Variants in PCDH9 observed in about 807,000 individuals in gnomAD.
PCDH9 encodes the protein protocadherin 9, also known as protocadherin-9.
In PCDH9, 24 loss-of-function variants were observed where a neutral mutation model predicts 70.6. The observed-to-expected ratio is 0.34, with a 90% confidence interval of 0.25 to 0.48. The LOEUF is 0.48. PCDH9 is among the 20% of genes least tolerant of loss of function. The pLI, the probability that PCDH9 is intolerant of heterozygous loss-of-function variation, is 0.99. For missense variants in PCDH9, 1,281 were observed against 1,503.6 expected, an observed-to-expected ratio of 0.85 and a Z score of 2.45; for synonymous variants, 562 against 558.5, an observed-to-expected ratio of 1.01 and a Z score of -0.09.
At chr13:66,994,136 G>A (rs994961330) in intron 2 of PCDH9, among the ~76,000 whole-genome samples, 3 of 152,156 alleles carry the variant, frequency 2.0e-5, no homozygotes, top group African/African-American at 7.2e-5. Flanking sequence ...TAAAAGTCTG[G>A]CACAGAGCCC....
chr13:66,787,543 A>T (rs1655799515), intron 3 of PCDH9, among the ~76,000 whole-genome samples: 1 of 151,854 alleles, frequency 6.6e-6, no homozygotes, highest in South Asian at 2.1e-4. Flanking sequence ...TTAAACCCAG[A>T]GGACGGAGGC....
chr13:66,316,871 CACA>C (rs1382810037), intron 4 of PCDH9, among the ~76,000 whole-genome samples: 1 of 152,022 alleles, frequency 6.6e-6, no homozygotes, highest in East Asian at 1.9e-4. Context: ...CACAGGCACG[CACA>C]ACAACGCCTG....
chr13:66,579,589 C>T (rs571831728), intron 4 of PCDH9, among the ~76,000 whole-genome samples: 14 of 152,084 alleles, frequency 9.2e-5, no homozygotes, highest in African/African-American at 3.4e-4. Flanking sequence ...AAGAAAACTA[C>T]CAATAGCAAT....
rs34007733 is a variant in PCDH9, at chr13:67,006,204, G to A, written c.3037-102599C>T. 8.1e-3 allele frequency among the ~76,000 whole-genome samples: 1,230 copies of A among 152,212 alleles called. 10 individuals carry two copies. The highest frequency in any genetic ancestry group is 0.014 in the Middle Eastern group (4 of 294). ...ATCGTGCCACTGCACTCCAGCCTGGGCGACAGAGAGAGACTCCGTCTCAAA... is the reference window on the plus strand; with the variant it reads ...ATCGTGCCACTGCACTCCAGCCTGGACGACAGAGAGAGACTCCGTCTCAAA... On this transcript the variant is annotated intron_variant, in intron 2 of 4. Coordinates refer to ENST00000377865, the MANE Select transcript of PCDH9 (RefSeq NM_203487.3).
intron 4 of PCDH9, among the ~76,000 whole-genome samples, chr13:66,320,533 G>T (rs547825944): frequency 6.6e-6 from 1 of 151,888 alleles, no homozygotes; most frequent in Admixed American, 6.6e-5. Context: ...AATTGGCTTC[G>T]GTTCAAAATC....
At chr13:67,175,698 A>C (rs2088431471) in intron 2 of PCDH9, among the ~76,000 whole-genome samples, 2 of 152,176 alleles carry the variant, frequency 1.3e-5, no homozygotes, top group Admixed American at 6.5e-5. Context: ...AATGAAAACT[A>C]TATCATTGTT....
intron 4 of PCDH9, among the ~76,000 whole-genome samples, chr13:66,559,881 T>C (rs759973817): frequency 6.8e-6 from 1 of 148,148 alleles, no homozygotes; most frequent in Non-Finnish European, 1.5e-5. Context: ...GATTCAAATG[T>C]ACTAACGTGA....
intron 2 of PCDH9, among the ~76,000 whole-genome samples, chr13:67,030,125 G>A (rs1032269518): frequency 6.6e-6 from 1 of 151,952 alleles, no homozygotes; most frequent in African/African-American, 2.4e-5. Context: ...CTGTCACCCA[G>A]GCTGGAGTGC....
intron 4 of PCDH9, among the ~76,000 whole-genome samples, chr13:66,522,334 T>C (rs1216625506): frequency 6.6e-6 from 1 of 151,990 alleles, no homozygotes; most frequent in Non-Finnish European, 1.5e-5. Context: ...GGGAATCTGA[T>C]ATAAACGGAA....
intron 4 of PCDH9, among the ~76,000 whole-genome samples, chr13:66,355,626 T>G (rs1956370376): frequency 1.3e-5 from 2 of 152,150 alleles, no homozygotes; most frequent in Admixed American, 1.3e-4. Context: ...GCTATCGTAC[T>G]GTTGGCCATT....
intron 2 of PCDH9, among the ~76,000 whole-genome samples, chr13:67,185,030 G>A (rs915933869): frequency 2.6e-5 from 4 of 152,122 alleles, no homozygotes; most frequent in African/African-American, 9.7e-5. Flanking sequence ...TACCATTCAT[G>A]TAACTCCTAT....
At chr13:66,999,329 C>T (rs1283094965) in intron 2 of PCDH9, among the ~76,000 whole-genome samples, 1 of 151,750 alleles carries the variant, frequency 6.6e-6, no homozygotes, top group Non-Finnish European at 1.5e-5. Context: ...AAGGAAGATC[C>T]CTTAAAAAAA....
intron 4 of PCDH9, among the ~76,000 whole-genome samples, chr13:66,606,198 A>G (rs1267709372): frequency 6.6e-6 from 1 of 152,150 alleles, no homozygotes; most frequent in Non-Finnish European, 1.5e-5. Context: ...TGCCTTGGGC[A>G]CAGAAAGTCA....
chr13:66,831,276 C>A (rs2080920767), intron 3 of PCDH9, among the ~76,000 whole-genome samples: 1 of 152,138 alleles, frequency 6.6e-6, no homozygotes, highest in Admixed American at 6.5e-5. Context: ...GCATCTACAA[C>A]CTCTTTTTTG....
chr13:66,576,040 GATCA>G (rs1387091143), intron 4 of PCDH9, among the ~76,000 whole-genome samples: 3 of 134,620 alleles, frequency 2.2e-5, no homozygotes, highest in Non-Finnish European at 4.8e-5. Flanking sequence ...AAATAAAAAA[GATCA>G]ATTATCATAA....
intron 3 of PCDH9, among the ~76,000 whole-genome samples, chr13:66,704,852 C>G (rs1005007973): frequency 6.6e-6 from 1 of 152,054 alleles, no homozygotes; most frequent in African/African-American, 2.4e-5. Context: ...TTTTAAAATA[C>G]ATTTTTCTTC....
chr13:66,444,748 A>G (rs1370411238), intron 4 of PCDH9, among the ~76,000 whole-genome samples: 7 of 151,882 alleles, frequency 4.6e-5, no homozygotes, highest in Non-Finnish European at 7.4e-5. Context: ...TTTAGTAGAG[A>G]CGGGGTTTCA....
chr13:66,711,956 T>C (rs533219045), intron 3 of PCDH9, among the ~76,000 whole-genome samples: 1 of 152,348 alleles, frequency 6.6e-6, no homozygotes, highest in East Asian at 1.9e-4. Context: ...CCCAGGTTTA[T>C]GACATTGCAT....
chr13:67,131,324 T>C (rs2087107124), intron 2 of PCDH9, among the ~76,000 whole-genome samples: 1 of 152,166 alleles, frequency 6.6e-6, no homozygotes, highest in Non-Finnish European at 1.5e-5. Flanking sequence ...TGTGAAACAA[T>C]GTCATCTTCA....
Sources: allele counts gnomAD v4.1 joint callset (sites outside exome capture counted in the v4.1 genomes callset), GRCh38; gene constraint gnomAD v4.1.1; transcripts MANE v1.5; gene names NCBI Gene and HGNC (gene_info 2026-07-23, HGNC 2026-07-21).